The following TM4SF4 variants were observed in gnomAD, a reference collection of about 807,000 sequenced individuals.
The protein encoded by TM4SF4 is transmembrane 4 L6 family member 4.
In TM4SF4, 24 loss-of-function variants were observed where a neutral mutation model predicts 24.1. That is an observed-to-expected ratio of 1.00 (90% CI 0.72 to 1.40). The LOEUF is 1.40. Among genes scored for constraint, TM4SF4 ranks in the 40% most tolerant of loss-of-function variants. The pLI, the probability that TM4SF4 is intolerant of heterozygous loss-of-function variation, is 0.00. For missense variants in TM4SF4, 254 were observed against 254.2 expected, an observed-to-expected ratio of 1.00 and a Z score of 0.01; for synonymous variants, 113 against 97.0, an observed-to-expected ratio of 1.17 and a Z score of -0.97.
intron 2 of TM4SF4, among the ~76,000 whole-genome samples, chr3:149,484,612 C>T (rs1160670959): frequency 6.7e-6 from 1 of 148,870 alleles, no homozygotes; most frequent in Non-Finnish European, 1.5e-5. Context: ...AGTGCAGTAG[C>T]GTGATCTCAG....
chr3:149,480,188 C>T (rs544474747), intron 2 of TM4SF4, among the ~76,000 whole-genome samples: 66 of 131,404 alleles, frequency 5.0e-4, no homozygotes, highest in African/African-American at 1.7e-3. Flanking sequence ...CTCCCAAACC[C>T]GAGATTCCCA....
chr3:149,485,623 G>A (rs1412025331), intron 2 of TM4SF4, among the ~76,000 whole-genome samples: 1 of 151,922 alleles, frequency 6.6e-6, no homozygotes, highest in African/African-American at 2.4e-5. Flanking sequence ...ATTTGGAGAA[G>A]ACAGCCATAA....
In TM4SF4 at chr3:149,476,821, T is replaced by G. The variant is rs899497668; in HGVS notation, c.264+909T>G. On this transcript the variant is annotated intron_variant, in intron 2 of 4. Coordinates refer to ENST00000305354, the MANE Select transcript of TM4SF4 (RefSeq NM_004617.4). ...TTTTTTGTTTTTGTTTTTGTTTTTT[T>G]TTTTTTTTTTGAGACAGGGTCTCAC... Among the ~76,000 whole-genome samples the G allele has an allele frequency of 3.1e-4, 43 of 140,130 alleles. 1 individual carries two copies. Among genetic ancestry groups the G allele is most frequent in the South Asian group, 1.6e-3 (7 of 4,476 alleles). The allele number at this position is 140,130 out of a possible 152,430, so 91.9% of individuals were successfully genotyped here. A position where few individuals can be genotyped will look rare whatever the true frequency, so the allele number is the denominator to read the frequency against.
intron 3 of TM4SF4, among the ~76,000 whole-genome samples, chr3:149,498,484 T>C (rs953219350): frequency 2.0e-5 from 3 of 152,214 alleles, no homozygotes; most frequent in African/African-American, 7.2e-5. Context: ...CAGAGGTTTC[T>C]TTGGGGAATA....
At chr3:149,498,479 G>A (rs761039795) in intron 3 of TM4SF4, among the ~76,000 whole-genome samples, 5 of 152,154 alleles carry the variant, frequency 3.3e-5, no homozygotes, top group Non-Finnish European at 7.3e-5. Context: ...GAACCCAGAG[G>A]TTTCTTTGGG....
intron 2 of TM4SF4, among the ~76,000 whole-genome samples, chr3:149,478,414 G>A (rs1733973422): frequency 6.6e-6 from 1 of 152,028 alleles, no homozygotes; most frequent in South Asian, 2.1e-4. Flanking sequence ...CAAAGTGCTG[G>A]CATTACAGTC....
rs1464014235 is a variant in TM4SF4, at chr3:149,502,836, AC to A, written c.*145del. 11 of 586,714 alleles carry A rather than the reference AC, an allele frequency of 1.9e-5. No individual in the cohort carries two copies. In the African/African-American group the frequency reaches 2.1e-4, roughly 11 times the overall value. The allele number at this position is 586,714 out of a possible 1,614,324, so 36.3% of individuals were successfully genotyped here. A position where few individuals can be genotyped will look rare whatever the true frequency, so the allele number is the denominator to read the frequency against. ...AAAAGGCAGTTATTCCTTCTTTCCA[AC>A]CAGCTTTGCTCGAGTTAGAATTTTG... On this transcript the variant is annotated 3_prime_UTR_variant, in exon 5 of 5. Transcript: ENST00000305354.
chr3:149,491,320 C>T (rs1734206485), intron 3 of TM4SF4, among the ~76,000 whole-genome samples: 1 of 109,180 alleles, frequency 9.2e-6, no homozygotes, highest in Non-Finnish European at 2.2e-5. Context: ...AAAAAATTAG[C>T]TGGGCATGGT....
chr3:149,497,953 C>T (rs1305934775), intron 3 of TM4SF4, among the ~76,000 whole-genome samples: 1 of 152,052 alleles, frequency 6.6e-6, no homozygotes, highest in Non-Finnish European at 1.5e-5. Context: ...CCACAATGCC[C>T]TTTATATTGC....
chr3:149,499,562 C>T (rs1417965895), intron 4 of TM4SF4, among the ~76,000 whole-genome samples: 1 of 152,106 alleles, frequency 6.6e-6, no homozygotes, highest in Non-Finnish European at 1.5e-5. Context: ...CACACACATA[C>T]ACAAAGTTAT....
intron 3 of TM4SF4, among the ~76,000 whole-genome samples, chr3:149,489,227 CA>C (rs1734169351): frequency 6.6e-6 from 1 of 152,226 alleles, no homozygotes; most frequent in Non-Finnish European, 1.5e-5. Context: ...GCTGAGCCCC[CA>C]CAACCCGCCC....
intron 3 of TM4SF4, chr3:149,495,931 G>T (rs991457631): frequency 2.0e-5 from 5 of 252,728 alleles, no homozygotes; most frequent in Admixed American, 4.2e-5. Flanking sequence ...TGTCATCAAA[G>T]CCAGGAACAA....
intron 3 of TM4SF4, among the ~76,000 whole-genome samples, chr3:149,497,020 A>T (rs186914489): frequency 6.6e-6 from 1 of 152,308 alleles, no homozygotes; most frequent in Admixed American, 6.5e-5. Flanking sequence ...TTTTAAAAAA[A>T]GAGAAAAAGA....
rs542204809 is a variant in TM4SF4 at position 149,498,742 on chromosome 3, C to G, written c.422C>G (p.Ala141Gly). 8 of 1,613,912 alleles carry G rather than the reference C, an allele frequency of 5.0e-6. No homozygotes were observed. Among genetic ancestry groups the G allele is most frequent in the Admixed American group, 3.3e-5 (2 of 60,014 alleles). Residue 141 changes from alanine (A) to glycine (G), a missense_variant, in exon 4 of 5, where the codon GCC becomes GGC. Transcript: ENST00000305354. ...FHDGDYLNDE[A>G]LWNKCREPLN... ...AACAGGGATTATCTCAATGATGAGG[C>G]CTTATGGAACAAGTGCCGAGAGCCT...
chr3:149,474,703 G>T lies in TM4SF4; in HGVS notation c.-175G>T. On this transcript the variant is annotated 5_prime_UTR_variant, in exon 1 of 5. Coordinates refer to ENST00000305354, the MANE Select transcript of TM4SF4 (RefSeq NM_004617.4). The stretch of plus-strand genomic sequence containing the variant: ...TTGCCATCGAGGTTCTGCTATTTTT[G>T]AGAAGCTGAAGCAACTCCAAGGACA... 1 of 591,634 alleles carries T rather than the reference G, an allele frequency of 1.7e-6. No homozygotes were observed. 36.6% of individuals were successfully genotyped at this position (591,634 alleles called of 1,614,324 possible).
At position 149,481,488 on chromosome 3, in the gene TM4SF4, C is replaced by T. The variant is rs1734032551; in HGVS notation, c.264+5576C>T. ...GGGCTACTGCAAGTTAAGTTTCTGA[C>T]TGCCACTTCCCCCACTCCCTTCCCA... is the stretch of plus-strand genomic sequence containing the variant. On this transcript the variant is annotated intron_variant, in intron 2 of 4. Coordinates refer to ENST00000305354, the MANE Select transcript of TM4SF4 (RefSeq NM_004617.4). Among the ~76,000 whole-genome samples, 5 of 152,190 alleles carry T rather than the reference C, an allele frequency of 3.3e-5. No homozygotes were observed. The South Asian group carries it at 1.0e-3, about 31-fold the overall frequency.
chr3:149,496,763 C>G (rs553196488), intron 3 of TM4SF4, among the ~76,000 whole-genome samples: 2 of 151,796 alleles, frequency 1.3e-5, no homozygotes, highest in East Asian at 3.9e-4. Context: ...AGCGAAACTC[C>G]GTCTCAAAAA....
intron 3 of TM4SF4, among the ~76,000 whole-genome samples, chr3:149,489,005 C>T (rs889686312): frequency 6.6e-6 from 1 of 152,184 alleles, no homozygotes; most frequent in Admixed American, 6.5e-5. Context: ...GATACATGGT[C>T]TTGGTTTGTT....
rs1410968238 is a variant in TM4SF4 at position 149,474,977 on chromosome 3, A to G, written c.100A>G (p.Lys34Glu). ...ANILLFFPGG[K>E]VIDDNDHLSQ... is the part of the protein sequence containing the mutation. ...CATCCTGTTATTTTTTCCTGGAGGAAAAGTGATAGATGACAACGACCACCT... is the reference window on the plus strand; with the variant it reads ...CATCCTGTTATTTTTTCCTGGAGGAGAAGTGATAGATGACAACGACCACCT... The change falls in exon 1 of 5, where the codon AAA (lysine) becomes GAA (glutamate). Residue 34 changes from lysine to glutamate, a missense_variant. Physicochemically the swap from Lys to Glu is moderately conservative, Grantham distance 56. Transcript: ENST00000305354. 5 of 1,613,924 alleles carry G rather than the reference A, an allele frequency of 3.1e-6. No individual in the cohort carries two copies. Among genetic ancestry groups the G allele is most frequent in the Non-Finnish European group, 4.2e-6 (5 of 1,179,872 alleles).
Sources: gnomAD v4.1 joint callset for allele counts (sites outside exome capture counted in the v4.1 genomes callset) on GRCh38, gnomAD v4.1.1 for gene constraint, MANE v1.5 for transcripts, NCBI Gene and HGNC (gene_info 2026-07-23, HGNC 2026-07-21) for gene names.